NUBPL: variants seen among roughly 807,000 people sequenced by gnomAD.
NUBPL encodes NUBP iron-sulfur cluster assembly factor, mitochondrial.
A neutral mutation model predicts 45.7 loss-of-function variants in NUBPL; 31 were observed. The ratio of observed to expected loss-of-function variants is 0.68; its 90% confidence interval spans 0.51 to 0.92. The LOEUF (loss-of-function observed/expected upper bound fraction) is 0.92. Ranked by LOEUF, NUBPL falls within the 40% of genes least tolerant of loss-of-function variation. NUBPL has a pLI of 0.00. For synonymous variants in NUBPL, 144 were observed against 140.9 expected, an observed-to-expected ratio of 1.02 and a Z score of -0.15; for missense variants, 401 against 398.7, an observed-to-expected ratio of 1.01 and a Z score of -0.05.
intron 8 of NUBPL, among the ~76,000 whole-genome samples, chr14:31,842,864 A>G (rs905162474): frequency 1.3e-5 from 2 of 152,198 alleles, no homozygotes; most frequent in Non-Finnish European, 2.9e-5. Flanking sequence ...ATATTACTAC[A>G]TTAATATGTT....
intron 7 of NUBPL, among the ~76,000 whole-genome samples, chr14:31,793,618 T>G (rs1169098110): frequency 6.6e-6 from 1 of 152,168 alleles, no homozygotes; most frequent in African/African-American, 2.4e-5. Flanking sequence ...AAATGTTGAA[T>G]CAATGAATGA....
chr14:31,775,025 C>T (rs2039074686), intron 6 of NUBPL, among the ~76,000 whole-genome samples: 1 of 152,114 alleles, frequency 6.6e-6, no homozygotes, highest in African/African-American at 2.4e-5. Context: ...GAGACAAAGA[C>T]CAAATACATA....
intron 6 of NUBPL, among the ~76,000 whole-genome samples, chr14:31,764,839 T>TG (rs1339957903): frequency 1.3e-5 from 2 of 152,236 alleles, no homozygotes; most frequent in Non-Finnish European, 2.9e-5. Context: ...AGTTGCAAAG[T>TG]GCTGAAGTTG....
At chr14:31,598,197 C>A (rs762534040) in intron 3 of NUBPL, among the ~76,000 whole-genome samples, 1 of 152,000 alleles carries the variant, frequency 6.6e-6, no homozygotes, top group Non-Finnish European at 1.5e-5. Flanking sequence ...CAGTTTTAGT[C>A]AGTATAAAGT....
chr14:31,688,216 T>A (rs1462415598), intron 6 of NUBPL, among the ~76,000 whole-genome samples: 3 of 152,110 alleles, frequency 2.0e-5, no homozygotes, highest in Admixed American at 1.3e-4. Context: ...CTTAAAAAAA[T>A]ATCAATGTAA....
intron 6 of NUBPL, among the ~76,000 whole-genome samples, chr14:31,743,639 G>A (rs530588748): frequency 3.3e-5 from 5 of 152,232 alleles, no homozygotes; most frequent in African/African-American, 9.6e-5. Flanking sequence ...ACTGGCCTCC[G>A]AAAGTGCTGG....
chr14:31,789,223 G>A (rs1026130200), intron 7 of NUBPL, among the ~76,000 whole-genome samples: 2 of 152,138 alleles, frequency 1.3e-5, no homozygotes, highest in East Asian at 1.9e-4. Context: ...CTACTCGGGA[G>A]GCTGAGGCAG....
At chr14:31,712,321 A>C (rs2037592091) in intron 6 of NUBPL, among the ~76,000 whole-genome samples, 1 of 152,236 alleles carries the variant, frequency 6.6e-6, no homozygotes, top group African/African-American at 2.4e-5. Flanking sequence ...TGGCTTCACC[A>C]ATGGTACTCG....
chr14:31,706,844 C>T (rs1566513471), intron 6 of NUBPL, among the ~76,000 whole-genome samples: 1 of 152,128 alleles, frequency 6.6e-6, no homozygotes, highest in Non-Finnish European at 1.5e-5. Flanking sequence ...AGTTGAAAAC[C>T]TTGTAAGTTT....
chr14:31,596,364 A>G (rs1288284476), intron 3 of NUBPL, among the ~76,000 whole-genome samples: 1 of 152,214 alleles, frequency 6.6e-6, no homozygotes, highest in Non-Finnish European at 1.5e-5. Flanking sequence ...CGCTGAGATG[A>G]CTGGCCTGCG....
chr14:31,617,509 C>A (rs1318732290), intron 4 of NUBPL, among the ~76,000 whole-genome samples: 1 of 152,064 alleles, frequency 6.6e-6, no homozygotes, highest in African/African-American at 2.4e-5. Context: ...TTGTTGAAGG[C>A]CTTTTCTGCA....
chr14:31,832,876 G>A (rs560479176), intron 8 of NUBPL, among the ~76,000 whole-genome samples: 22 of 152,210 alleles, frequency 1.4e-4, no homozygotes, highest in African/African-American at 5.1e-4. Context: ...ATTTTCCTCA[G>A]GAGGTTAAGA....
chr14:31,654,236 G>A (rs117106968), intron 4 of NUBPL: 19,868 of 281,544 alleles, frequency 0.071, 858 homozygotes, highest in Non-Finnish European at 0.092. Context: ...CTAAAAATAT[G>A]TATGTACCTT....
At chr14:31,646,451 G>A (rs2035855613) in intron 4 of NUBPL, among the ~76,000 whole-genome samples, 1 of 152,148 alleles carries the variant, frequency 6.6e-6, no homozygotes, top group African/African-American at 2.4e-5. Context: ...GCCTCCCAAA[G>A]TGCTGGGATT....
intron 6 of NUBPL, among the ~76,000 whole-genome samples, chr14:31,685,224 G>A (rs1450400158): frequency 2.6e-5 from 4 of 152,178 alleles, no homozygotes; most frequent in Admixed American, 1.3e-4. Flanking sequence ...GGTGTGGAGA[G>A]TTTTAAGAAT....
chr14:31,741,122 C>G (rs1034177914), intron 6 of NUBPL, among the ~76,000 whole-genome samples: 2 of 152,212 alleles, frequency 1.3e-5, no homozygotes, highest in Admixed American at 1.3e-4. Flanking sequence ...TTCTGATACC[C>G]TGTATCTTCA....
intron 6 of NUBPL, among the ~76,000 whole-genome samples, chr14:31,674,196 T>G (rs2139813617): frequency 6.6e-6 from 1 of 152,336 alleles, no homozygotes; most frequent in Non-Finnish European, 1.5e-5. Context: ...AGTTTGTAAT[T>G]GTCTTCTAGG....
chr14:31,724,787 T>G (rs902212853), intron 6 of NUBPL, among the ~76,000 whole-genome samples: 3 of 152,116 alleles, frequency 2.0e-5, no homozygotes, highest in Admixed American at 2.0e-4. Context: ...AACAAACAGA[T>G]AAATGAAAAC....
chr14:31,722,118 T>C (rs2037822971), intron 6 of NUBPL, among the ~76,000 whole-genome samples: 1 of 152,140 alleles, frequency 6.6e-6, no homozygotes, highest in Non-Finnish European at 1.5e-5. Context: ...TGCCTCAGCC[T>C]CCCGAGTAGC....
Sources: gnomAD v4.1 joint callset for allele counts (sites outside exome capture counted in the v4.1 genomes callset) on GRCh38, gnomAD v4.1.1 for gene constraint, MANE v1.5 for transcripts, NCBI Gene and HGNC (gene_info 2026-07-23, HGNC 2026-07-21) for gene names.